HMG20A: variants seen among roughly 807,000 people sequenced by gnomAD.
The protein encoded by HMG20A is high mobility group 20A.
HMG20A carries 17 observed loss-of-function variants against 43.9 expected under a neutral mutation model. The observed-to-expected ratio is 0.39, with a 90% CI of 0.27 to 0.58. The LOEUF (loss-of-function observed/expected upper bound fraction) is 0.58. Ranked by LOEUF, HMG20A falls within the 20% of genes least tolerant of loss-of-function variation. The pLI, the probability that HMG20A is intolerant of heterozygous loss-of-function variation, is 0.59. For synonymous variants in HMG20A, 132 were observed against 147.5 expected (o/e 0.89, Z 0.76); for missense variants, 341 against 438.2 (o/e 0.78, Z 1.98).
chr15:77,450,780 A>T (rs1258426764), intron 1 of HMG20A, among the ~76,000 whole-genome samples: 2 of 152,236 alleles, frequency 1.3e-5, no homozygotes, highest in Admixed American at 1.3e-4. Context: ...CCATTACGTG[A>T]AGTCCCATGT....
the HMG20A span, among the ~76,000 whole-genome samples, chr15:77,490,873 A>G: frequency 6.6e-6 from 1 of 152,210 alleles, no homozygotes; most frequent in Non-Finnish European, 1.5e-5. Flanking sequence ...AGTTCCTTTC[A>G]GTTCCTAAAA....
At chr15:77,443,027 C>CTTTTT (rs998172099) in intron 1 of HMG20A, among the ~76,000 whole-genome samples, 5 of 118,662 alleles carry the variant, frequency 4.2e-5, no homozygotes, top group African/African-American at 1.0e-4. Flanking sequence ...CTACTTTGAA[C>CTTTTT]TTTTTTTTTT....
chr15:77,444,330 T>A (rs944590655), intron 1 of HMG20A, among the ~76,000 whole-genome samples: 1 of 152,132 alleles, frequency 6.6e-6, no homozygotes, highest in African/African-American at 2.4e-5. Flanking sequence ...AACAAATCGT[T>A]CTGTAGATTC....
chr15:77,514,488 T>C, the HMG20A span, among the ~76,000 whole-genome samples: 1 of 152,216 alleles, frequency 6.6e-6, no homozygotes, highest in Non-Finnish European at 1.5e-5. Context: ...ATTCAAGCTG[T>C]ACATGTAAGA....
intron 1 of HMG20A, among the ~76,000 whole-genome samples, chr15:77,423,019 A>C (rs1258390557): frequency 6.6e-6 from 1 of 152,238 alleles, no homozygotes; most frequent in Non-Finnish European, 1.5e-5. Flanking sequence ...AAATGAAAAA[A>C]ATAGAGAATA....
chr15:77,468,089 TC>T (rs1412371260), intron 4 of HMG20A, among the ~76,000 whole-genome samples: 1 of 152,224 alleles, frequency 6.6e-6, no homozygotes, highest in East Asian at 1.9e-4. Context: ...TTAATTGAAT[TC>T]AGAAATTTTC....
chr15:77,434,875 C>G (rs766769196), intron 1 of HMG20A, among the ~76,000 whole-genome samples: 1 of 152,100 alleles, frequency 6.6e-6, no homozygotes, highest in East Asian at 1.9e-4. Flanking sequence ...CCCAGCTGTT[C>G]CTAGGTATAC....
chr15:77,464,811 TCA>T (rs2072739838), intron 3 of HMG20A: 1 of 155,430 alleles, frequency 6.4e-6, no homozygotes, highest in Admixed American at 6.3e-5. Flanking sequence ...TTTCCTTAAC[TCA>T]CACAAAGGCG....
At chr15:77,431,985 T>C (rs1198949620) in intron 1 of HMG20A, among the ~76,000 whole-genome samples, 1 of 152,238 alleles carries the variant, frequency 6.6e-6, no homozygotes, top group Non-Finnish European at 1.5e-5. Context: ...TAAAGCTGAA[T>C]AGTATTCCAT....
chr15:77,443,352 T>TG, intron 1 of HMG20A, among the ~76,000 whole-genome samples: 1 of 141,778 alleles, frequency 7.1e-6, no homozygotes, highest in Non-Finnish European at 1.5e-5. Context: ...ATCTATTTTT[T>TG]ATGATGATGA....
the HMG20A span, among the ~76,000 whole-genome samples, chr15:77,517,749 A>T: frequency 6.6e-6 from 1 of 151,950 alleles, no homozygotes; most frequent in Admixed American, 6.6e-5. Context: ...GTCATGGGGC[A>T]AATGGGCACT....
intron 2 of HMG20A, among the ~76,000 whole-genome samples, chr15:77,460,876 C>T (rs1012313109): frequency 2.6e-5 from 4 of 152,118 alleles, no homozygotes; most frequent in African/African-American, 9.7e-5. Context: ...ATCTCAACTA[C>T]TCGGGAGGTT....
chr15:77,500,768 C>A, the HMG20A span, among the ~76,000 whole-genome samples: 6 of 152,082 alleles, frequency 3.9e-5, no homozygotes, highest in African/African-American at 1.4e-4. Flanking sequence ...AGGGTTTCAC[C>A]ATGTTGGCCA....
the HMG20A span, among the ~76,000 whole-genome samples, chr15:77,506,340 C>A: frequency 2.0e-5 from 3 of 152,080 alleles, no homozygotes; most frequent in Admixed American, 1.3e-4. Context: ...ATGGGCAGTC[C>A]TCCCCTGTGC....
intron 1 of HMG20A, among the ~76,000 whole-genome samples, chr15:77,452,562 T>A (rs933310534): frequency 6.6e-6 from 1 of 152,188 alleles, no homozygotes; most frequent in Non-Finnish European, 1.5e-5. Flanking sequence ...CAAATGGCAG[T>A]TGCAGAGATG....
intron 1 of HMG20A, among the ~76,000 whole-genome samples, chr15:77,457,364 A>T (rs1047469819): frequency 2.6e-5 from 4 of 152,178 alleles, no homozygotes; most frequent in African/African-American, 7.2e-5. Context: ...GTGAATTCTC[A>T]TAATTTGCTT....
In HMG20A at chr15:77,440,016, A is replaced by T. The variant is rs950802038; in HGVS notation, c.-4-18388A>T. ...TGCTTTGTATTTAGCCCCCTTTTTTAAAAAAATGGGTCATTTATTTTTAAT... is the reference window on the plus strand; with the variant it reads ...TGCTTTGTATTTAGCCCCCTTTTTTTAAAAAATGGGTCATTTATTTTTAAT... On this transcript the variant is annotated intron_variant, in intron 1 of 9. Transcript: ENST00000336216. 9.2e-5 allele frequency among the ~76,000 whole-genome samples: 14 copies of T among 152,014 alleles called. No homozygotes were observed. In the South Asian group the frequency reaches 2.3e-3, roughly 25 times the overall value.
At chr15:77,478,860 C>T (rs1186263339) in intron 8 of HMG20A, among the ~76,000 whole-genome samples, 3 of 152,002 alleles carry the variant, frequency 2.0e-5, no homozygotes, top group South Asian at 4.1e-4. Context: ...TTTGTTTTAA[C>T]GGGAAGGAAG....
chr15:77,436,050 T>C (rs925143856), intron 1 of HMG20A, among the ~76,000 whole-genome samples: 57 of 152,236 alleles, frequency 3.7e-4, no homozygotes, highest in African/African-American at 1.3e-3. Flanking sequence ...CCTGTCTCCA[T>C]CTCAGACTTT....
Sources: allele counts gnomAD v4.1 joint callset (sites outside exome capture counted in the v4.1 genomes callset), GRCh38; gene constraint gnomAD v4.1.1; transcripts MANE v1.5; gene names NCBI Gene and HGNC (gene_info 2026-07-23, HGNC 2026-07-21).